The following TACC2 variants were observed in gnomAD, a reference collection of about 807,000 sequenced individuals.
The protein encoded by TACC2 is transforming acidic coiled-coil-containing protein 2.
In TACC2, 137 loss-of-function variants were observed where a neutral mutation model predicts 227.3. That is an observed-to-expected ratio of 0.60 (90% confidence interval 0.52 to 0.69). TACC2 has a LOEUF of 0.69. TACC2 is among the 30% of genes least tolerant of loss of function. The pLI, the probability that TACC2 is intolerant of heterozygous loss-of-function variation, is 0.00. For missense variants in TACC2, 3,470 were observed against 3,694.4 expected, an observed-to-expected ratio of 0.94 and a Z score of 1.57; for synonymous variants, 1,523 against 1,487.5, an observed-to-expected ratio of 1.02 and a Z score of -0.55.
chr10:122,187,180 A>T (rs1218942316), intron 7 of TACC2, among the ~76,000 whole-genome samples: 2 of 152,368 alleles, frequency 1.3e-5, no homozygotes, highest in South Asian at 4.1e-4. Flanking sequence ...GAGTTTCAGC[A>T]GACACATGTA....
At position 122,085,146 on chromosome 10, in the gene TACC2, G is replaced by A. The variant is rs2079960138; in HGVS notation, c.2646G>A (p.Gln882=). Reference sequence around the variant, plus strand: ...AAATCCATGTACCTGTGGAACCTCAGGAAGATAACAACTTGCCCACTCATG... The same window carrying A: ...AAATCCATGTACCTGTGGAACCTCAAGAAGATAACAACTTGCCCACTCATG... ...SSQIHVPVEP[Q]EDNNLPTHGG... The change falls in exon 4 of 23, where the codon CAG becomes CAA. Residue 882 remains glutamine (Q), a synonymous_variant. Coordinates refer to ENST00000369005, the MANE Select transcript of TACC2 (RefSeq NM_206862.4). 2 of 1,614,034 alleles carry A rather than the reference G, an allele frequency of 1.2e-6. No homozygotes were observed. The highest frequency in any genetic ancestry group is 1.7e-6 in the Non-Finnish European group (2 of 1,180,046).
intron 19 of TACC2, chr10:122,246,619 G>C (rs2096125991): frequency 1.3e-5 from 2 of 152,208 alleles, no homozygotes; most frequent in South Asian, 4.1e-4. Flanking sequence ...GTAAAATGAG[G>C]GTGAGAAAAG....
intron 3 of TACC2, chr10:122,051,328 G>A (rs2075659432): frequency 6.6e-6 from 1 of 152,304 alleles, no homozygotes; most frequent in Admixed American, 6.6e-5. Flanking sequence ...CTGGATTATA[G>A]GTGTGAGCCA....
intron 7 of TACC2, among the ~76,000 whole-genome samples, chr10:122,163,116 C>G (rs977574034): frequency 3.9e-5 from 6 of 152,106 alleles, no homozygotes; most frequent in Non-Finnish European, 7.4e-5. Context: ...GCAGCTCTCC[C>G]TGGTACAGAC....
chr10:122,099,522 G>A (rs2081902208), intron 5 of TACC2, among the ~76,000 whole-genome samples: 1 of 152,220 alleles, frequency 6.6e-6, no homozygotes, highest in Admixed American at 6.5e-5. Context: ...AGTTTCAGCA[G>A]AACGTTCTCC....
chr10:122,058,324 C>T (rs2076412654), intron 3 of TACC2, among the ~76,000 whole-genome samples: 1 of 152,166 alleles, frequency 6.6e-6, no homozygotes, highest in African/African-American at 2.4e-5. Context: ...TGCCTGCTTC[C>T]GGCTTCCGCT....
chr10:122,160,485 G>C (rs2092751639), intron 7 of TACC2, among the ~76,000 whole-genome samples: 3 of 152,172 alleles, frequency 2.0e-5, no homozygotes, highest in Admixed American at 1.3e-4. Flanking sequence ...CTCTCCTCCT[G>C]GCTTGTAGAT....
At chr10:122,058,213 G>A (rs947767778) in intron 3 of TACC2, among the ~76,000 whole-genome samples, 1 of 152,150 alleles carries the variant, frequency 6.6e-6, no homozygotes, top group Admixed American at 6.5e-5. Context: ...ATGCATGCAC[G>A]CCCCTCTTCA....
At chr10:122,025,105 A>G (rs1957819312) in intron 2 of TACC2, among the ~76,000 whole-genome samples, 1 of 152,152 alleles carries the variant, frequency 6.6e-6, no homozygotes, top group Non-Finnish European at 1.5e-5. Flanking sequence ...CTATTCTGAT[A>G]GGTGTGTTGT....
chr10:122,134,005 C>T (rs1168659224), intron 6 of TACC2, among the ~76,000 whole-genome samples: 1 of 152,012 alleles, frequency 6.6e-6, no homozygotes, highest in South Asian at 2.1e-4. Flanking sequence ...GCCGACAGCA[C>T]CAAGACACCT....
At chr10:122,016,905 A>G (rs1361369414) in intron 1 of TACC2, among the ~76,000 whole-genome samples, 1 of 152,208 alleles carries the variant, frequency 6.6e-6, no homozygotes, top group Non-Finnish European at 1.5e-5. Flanking sequence ...GCCTAATCCA[A>G]CATGACTGTT....
chr10:122,087,557 G>A lies in TACC2; in HGVS notation c.5057G>A (p.Gly1686Glu). 2.5e-6 allele frequency: 4 copies of A among 1,613,804 alleles called. No individual in the cohort carries two copies. The highest frequency in any genetic ancestry group is 3.4e-6 in the Non-Finnish European group (4 of 1,180,038). The stretch of plus-strand genomic sequence containing the variant: ...CAGAGCACCCCTGCACCACCAACTG[G>A]AGAAGTGGCAGACACTCCCCTGGAG... ...GNQSTPAPPT[G>E]EVADTPLEPG... Residue 1686 changes from glycine (G) to glutamate (E), a missense_variant, in exon 4 of 23, where the codon GGA becomes GAA. Coordinates refer to ENST00000369005, the MANE Select transcript of TACC2 (RefSeq NM_206862.4).
Position 122,033,246 on chromosome 10 carries a change from A to G in TACC2, c.33+11232A>G, listed in dbSNP as rs878946731. On this transcript the variant is annotated intron_variant, in intron 2 of 22. Transcript: ENST00000369005. The stretch of plus-strand genomic sequence containing the variant: ...AACATTTGGTGTGTCATGTGCATTT[A>G]TATATTTAGGTTTTCTCCTCCTCCC... 3.5e-6 allele frequency: 3 copies of G among 868,254 alleles called. No individual in the cohort carries two copies. The South Asian group carries it at 4.2e-5, about 12-fold the overall frequency. 53.8% of individuals were successfully genotyped at this position (868,254 alleles called of 1,614,324 possible).
At position 122,004,877 on chromosome 10, in the gene TACC2, T is replaced by A. The variant is rs772323394; in HGVS notation, c.-46+15389T>A. Among the ~76,000 whole-genome samples, 60 of 152,328 alleles carry A rather than the reference T, an allele frequency of 3.9e-4. No individual in the cohort carries two copies. In the Middle Eastern group the frequency reaches 0.017, roughly 43 times the overall value. On this transcript the variant is annotated intron_variant, in intron 1 of 22. Coordinates refer to ENST00000369005, the MANE Select transcript of TACC2 (RefSeq NM_206862.4). ...ACAATTATTATTATTTTGTATTTTGTAATTTAAATTTGTATTTTTGTATTT... is the reference window on the plus strand; with the variant it reads ...ACAATTATTATTATTTTGTATTTTGAAATTTAAATTTGTATTTTTGTATTT...
At chr10:122,124,191 A>G (rs1351285612) in intron 5 of TACC2, among the ~76,000 whole-genome samples, 1 of 152,178 alleles carries the variant, frequency 6.6e-6, no homozygotes, top group African/African-American at 2.4e-5. Context: ...AGTTAATAAC[A>G]TAGCCTTCCA....
In TACC2 at chr10:122,249,143, G is replaced by A; in HGVS notation, c.8647G>A (p.Glu2883Lys). ...RYQALKVHAEEKLDRANAEIA... is the reference protein window; with the variant it reads ...RYQALKVHAEKKLDRANAEIA... ...CCAGGCCCTGAAGGTGCACGCGGAG[G>A]AGAAACTGGACAGGTAACATTTAGC... Residue 2883 changes from glutamate (E) to lysine (K), a missense_variant, in exon 21 of 23, where the codon GAG becomes AAG. This residue lies in a region of TACC2 where 89 missense variants were observed against 91.4 expected (regional missense o/e 0.97). Transcript: ENST00000369005. The A allele has an allele frequency of 1.2e-6, 2 of 1,610,728 alleles. No homozygotes were observed. The highest frequency in any genetic ancestry group is 8.5e-7 in the Non-Finnish European group (1 of 1,179,012).
intron 1 of TACC2, among the ~76,000 whole-genome samples, chr10:122,009,365 G>A (rs1322846926): frequency 1.3e-5 from 2 of 152,182 alleles, no homozygotes; most frequent in Non-Finnish European, 2.9e-5. Context: ...TTAGCTGGGT[G>A]TGGTGGTGCA....
chr10:122,058,025 A>G (rs1446553565), intron 3 of TACC2, among the ~76,000 whole-genome samples: 2 of 152,188 alleles, frequency 1.3e-5, no homozygotes, highest in African/African-American at 2.4e-5. Context: ...GTTTCCACAC[A>G]ACAACTGACC....
At chr10:122,021,459 G>C (rs1046469999) in intron 1 of TACC2, among the ~76,000 whole-genome samples, 1 of 152,168 alleles carries the variant, frequency 6.6e-6, no homozygotes, top group Non-Finnish European at 1.5e-5. Flanking sequence ...AAAACCATAT[G>C]TTGTTGGAGA....
Sources: gnomAD v4.1 joint callset for allele counts (sites outside exome capture counted in the v4.1 genomes callset) on GRCh38, gnomAD v4.1.1 for gene constraint, gnomAD v4.1.1 regional missense constraint, MANE v1.5 for transcripts, NCBI Gene and HGNC (gene_info 2026-07-23, HGNC 2026-07-21) for gene names.